The following ANXA8 variants were observed in gnomAD, a reference collection of about 807,000 sequenced individuals.
ANXA8 encodes the protein annexin A8, also known as VAC-beta.
In ANXA8, 9 loss-of-function variants were observed where a neutral mutation model predicts 26.8. The ratio of observed to expected loss-of-function variants is 0.34; its 90% CI spans 0.20 to 0.59. ANXA8 has a LOEUF of 0.59. ANXA8 is among the 20% of genes least tolerant of loss of function. The pLI is 0.84. For missense variants in ANXA8, 83 were observed against 238.5 expected, an observed-to-expected ratio of 0.35 and a Z score of 4.29; for synonymous variants, 39 against 94.8, an observed-to-expected ratio of 0.41 and a Z score of 3.42.
At chr10:47,973,716 C>A in the ANXA8 span, among the ~76,000 whole-genome samples, 1 of 150,976 alleles carries the variant, frequency 6.6e-6, no homozygotes, top group African/African-American at 2.4e-5. Context: ...GGCTGCCACT[C>A]AGGGTGAGGC....
chr10:47,926,196 A>ATT, the ANXA8 span, among the ~76,000 whole-genome samples: 2 of 25,972 alleles, frequency 7.7e-5, no homozygotes, highest in Non-Finnish European at 1.6e-4. Context: ...ACACCCAGCT[A>ATT]TTTTTTTTTT....
chr10:47,502,281 G>A, the ANXA8 span: 22 of 1,409,242 alleles, frequency 1.6e-5, 1 homozygote, highest in Admixed American at 9.2e-5. Flanking sequence ...CACAGGTCTC[G>A]TTCACCTCCT....
At chr10:47,672,734 A>G in the ANXA8 span, among the ~76,000 whole-genome samples, 1 of 151,952 alleles carries the variant, frequency 6.6e-6, no homozygotes, top group Admixed American at 6.5e-5. Context: ...AACTGCTTTG[A>G]AAAGATGACT....
At chr10:47,733,177 C>CTTTCTTTCTTTCTTTCTTTCTTTA in the ANXA8 span, among the ~76,000 whole-genome samples, 1 of 109,052 alleles carries the variant, frequency 9.2e-6, no homozygotes, top group African/African-American at 2.9e-5. Context: ...TTCTTTCTTT[C>CTTTCTTTCTTTCTTTCTTTCTTTA]TTTCTTTCTT....
the ANXA8 span, among the ~76,000 whole-genome samples, chr10:47,599,082 T>C: frequency 6.8e-6 from 1 of 147,320 alleles, no homozygotes; most frequent in Non-Finnish European, 1.5e-5. Flanking sequence ...TTTTATGTAT[T>C]ATTATATACA....
chr10:47,521,804 G>A, the ANXA8 span, among the ~76,000 whole-genome samples: 2 of 151,004 alleles, frequency 1.3e-5, no homozygotes, highest in Admixed American at 6.6e-5. Flanking sequence ...TTTGTGAGAC[G>A]GAGTCTCGCT....
At chr10:47,525,585 C>T in the ANXA8 span, among the ~76,000 whole-genome samples, 1 of 136,316 alleles carries the variant, frequency 7.3e-6, no homozygotes, top group African/African-American at 2.8e-5. Flanking sequence ...CATGGCAAAA[C>T]CATATCAGAA....
At chr10:47,962,621 CTT>C in the ANXA8 span, among the ~76,000 whole-genome samples, 5 of 84,346 alleles carry the variant, frequency 5.9e-5, no homozygotes, top group Non-Finnish European at 1.1e-4. Flanking sequence ...ACCTCACACA[CTT>C]ACACACACAC....
At chr10:47,673,331 G>A in the ANXA8 span, among the ~76,000 whole-genome samples, 2 of 151,572 alleles carry the variant, frequency 1.3e-5, no homozygotes, top group African/African-American at 4.9e-5. Context: ...ATCCAGCAGA[G>A]GCTCTCCAGG....
chr10:47,596,154 A>C, the ANXA8 span, among the ~76,000 whole-genome samples: 3 of 119,324 alleles, frequency 2.5e-5, no homozygotes, highest in Non-Finnish European at 4.9e-5. Context: ...CGGAAACTAA[A>C]GAAATTACTC....
At chr10:47,585,013 A>G in the ANXA8 span, among the ~76,000 whole-genome samples, 1 of 147,540 alleles carries the variant, frequency 6.8e-6, no homozygotes, top group Non-Finnish European at 1.5e-5. Context: ...GCTTGAACCC[A>G]GGGAGGCAGA....
At chr10:47,581,807 G>T in the ANXA8 span, among the ~76,000 whole-genome samples, 2 of 150,488 alleles carry the variant, frequency 1.3e-5, 1 homozygote, top group Non-Finnish European at 2.9e-5. Flanking sequence ...GGGTTTCACC[G>T]TGTTAGCCAG....
chr10:47,928,878 T>C, the ANXA8 span, among the ~76,000 whole-genome samples: 2 of 115,666 alleles, frequency 1.7e-5, no homozygotes, highest in Admixed American at 9.2e-5. Flanking sequence ...CCTCAGCCTC[T>C]TGAATAGCTA....
At chr10:47,982,857 C>A in the ANXA8 span, among the ~76,000 whole-genome samples, 4 of 46,006 alleles carry the variant, frequency 8.7e-5, no homozygotes, top group Non-Finnish European at 1.3e-4. Flanking sequence ...CCACTTGTAT[C>A]CAGAATATAT....
At chr10:47,572,407 G>C in the ANXA8 span, among the ~76,000 whole-genome samples, 1 of 148,352 alleles carries the variant, frequency 6.7e-6, no homozygotes, top group East Asian at 2.0e-4. Context: ...CTCAGACCGT[G>C]CTCTCTATAT....
the ANXA8 span, among the ~76,000 whole-genome samples, chr10:47,952,218 C>A: frequency 1.3e-5 from 2 of 151,756 alleles, no homozygotes; most frequent in Non-Finnish European, 2.9e-5. Context: ...GGGAGTGAGG[C>A]AGGAATGTCC....
the ANXA8 span, among the ~76,000 whole-genome samples, chr10:47,988,979 A>C: frequency 4.6e-5 from 7 of 151,436 alleles, no homozygotes; most frequent in African/African-American, 7.3e-5. Flanking sequence ...TCCTGTTAGC[A>C]CTTCAAGCCC....
At chr10:47,735,253 C>A in the ANXA8 span, among the ~76,000 whole-genome samples, 1 of 140,360 alleles carries the variant, frequency 7.1e-6, no homozygotes. Flanking sequence ...GGGCAGACCA[C>A]AACAACTGAT....
chr10:47,710,205 T>G, the ANXA8 span: 1 of 1,413,356 alleles, frequency 7.1e-7, no homozygotes, highest in Non-Finnish European at 9.6e-7. Flanking sequence ...TCTGTATGCA[T>G]GTTTTTTTTC....
Sources: allele counts gnomAD v4.1 joint callset (sites outside exome capture counted in the v4.1 genomes callset), GRCh38; gene constraint gnomAD v4.1.1; transcripts MANE v1.5; gene names NCBI Gene and HGNC (gene_info 2026-07-23, HGNC 2026-07-21).